SMPD3: variants seen among roughly 807,000 people sequenced by gnomAD.
SMPD3 encodes nSMase-2.
SMPD3 carries 21 observed loss-of-function variants against 55.7 expected under a neutral mutation model. That is an observed-to-expected ratio of 0.38 (90% CI 0.27 to 0.54). SMPD3 has a LOEUF of 0.54. SMPD3 is among the 20% of genes least tolerant of loss of function. The pLI is 0.80. For missense variants in SMPD3, 842 were observed against 899.6 expected, an observed-to-expected ratio of 0.94 and a Z score of 0.82; for synonymous variants, 457 against 404.3, an observed-to-expected ratio of 1.13 and a Z score of -1.56.
intron 3 of SMPD3, among the ~76,000 whole-genome samples, chr16:68,370,528 C>G (rs1209643766): frequency 6.6e-6 from 1 of 152,330 alleles, no homozygotes; most frequent in Admixed American, 6.5e-5. Flanking sequence ...GCTCGGAACC[C>G]TTCCCAGGCC....
chr16:68,375,033 C>G (rs2151988743), intron 2 of SMPD3, among the ~76,000 whole-genome samples: 1 of 152,328 alleles, frequency 6.6e-6, no homozygotes. Flanking sequence ...AGGCCCATTC[C>G]TGAGTCACCC....
intron 1 of SMPD3, among the ~76,000 whole-genome samples, chr16:68,428,594 C>T (rs944342406): frequency 2.6e-5 from 4 of 152,224 alleles, no homozygotes; most frequent in Middle Eastern, 3.4e-3. Flanking sequence ...ATAGGAGAAC[C>T]GGTCACAGAG....
At chr16:68,380,122 A>G (rs2089915476) in intron 2 of SMPD3, among the ~76,000 whole-genome samples, 1 of 152,146 alleles carries the variant, frequency 6.6e-6, no homozygotes. Context: ...AAAGGGTGCC[A>G]GCAAGGAGAA....
Position 68,358,468 on chromosome 16 carries a change from T to A in SMPD3, c.*2738A>T, listed in dbSNP as rs999377912. ...TCTAGGGAAGAACCGTCTGGATATA[T>A]ATTTGATAATGTTTTTACCAAAACC... On this transcript the variant is annotated 3_prime_UTR_variant, in exon 9 of 9. Transcript: ENST00000219334. 1.3e-5 allele frequency: 2 copies of A among 152,700 alleles called. No individual in the cohort carries two copies. The highest frequency in any genetic ancestry group is 2.4e-5 in the African/African-American group (1 of 41,470). 9.5% of individuals were successfully genotyped at this position (152,700 alleles called of 1,614,324 possible).
chr16:68,400,836 C>T lies in SMPD3; in HGVS notation c.-268-14177G>A, dbSNP rs547717094. Among the ~76,000 whole-genome samples, 309 of 152,366 alleles carry T rather than the reference C, an allele frequency of 2.0e-3. 1 individual carries two copies. Among genetic ancestry groups the T allele is most frequent in the Non-Finnish European group, 3.7e-3 (255 of 68,038 alleles). ...TACCAGCCCCTTCTGTGGCTGACGA[C>T]TGTAACTGGGTTCAGGTACATGGCA... On this transcript the variant is annotated intron_variant, in intron 1 of 8. Transcript: ENST00000219334.
At chr16:68,363,144 G>A (rs2089364603) in intron 7 of SMPD3, among the ~76,000 whole-genome samples, 1 of 151,050 alleles carries the variant, frequency 6.6e-6, no homozygotes, top group African/African-American at 2.4e-5. Flanking sequence ...GCCGTACCCA[G>A]CAGCTCTTTC....
At chr16:68,417,184 G>A (rs1033667459) in intron 1 of SMPD3, among the ~76,000 whole-genome samples, 4 of 152,170 alleles carry the variant, frequency 2.6e-5, no homozygotes, top group Non-Finnish European at 4.4e-5. Context: ...CCCCATCTGG[G>A]ACAACTCTGA....
intron 2 of SMPD3, among the ~76,000 whole-genome samples, chr16:68,384,515 G>A (rs1312312099): frequency 2.0e-5 from 3 of 152,204 alleles, no homozygotes; most frequent in Non-Finnish European, 4.4e-5. Context: ...AGAACTGAGA[G>A]ACAGGAGGCT....
At chr16:68,409,268 C>T (rs2090278323) in intron 1 of SMPD3, among the ~76,000 whole-genome samples, 1 of 152,180 alleles carries the variant, frequency 6.6e-6, no homozygotes, top group Non-Finnish European at 1.5e-5. Flanking sequence ...CAGAGAGTGC[C>T]TTTCCTGAGA....
intron 6 of SMPD3, 99 bp from the exon 7 acceptor site, chr16:68,363,658 G>T: frequency 6.9e-7 from 1 of 1,449,760 alleles, no homozygotes. Context: ...CTGCTAGCCA[G>T]GGGCAGCTGA....
chr16:68,381,023 A>C (rs1310867561), intron 2 of SMPD3, among the ~76,000 whole-genome samples: 1 of 152,246 alleles, frequency 6.6e-6, no homozygotes, highest in African/African-American at 2.4e-5. Flanking sequence ...AAAGTTTTCT[A>C]TGCAAAGAAC....
chr16:68,386,830 G>T (rs1464722502), intron 1 of SMPD3, among the ~76,000 whole-genome samples, 171 bp from the exon 2 acceptor site: 1 of 152,234 alleles, frequency 6.6e-6, no homozygotes, highest in East Asian at 1.9e-4. Context: ...GTGTGTGCCC[G>T]GCAGTTCCAG....
chr16:68,366,408 C>CGTCT lies in SMPD3; in HGVS notation c.1324-1320_1324-1317dup, dbSNP rs560408405. Among the ~76,000 whole-genome samples, 124 of 152,362 alleles carry CGTCT rather than the reference C, an allele frequency of 8.1e-4. 3 individuals carry two copies. In the South Asian group the frequency reaches 0.025, roughly 31 times the overall value. ...CTTCCCCAGCACCTGGGGGTACGAA[C>CGTCT]GTCTGGCTGTTCAGCCCCACAGGTT... On this transcript the variant is annotated intron_variant, in intron 3 of 8. Coordinates refer to ENST00000219334, the MANE Select transcript of SMPD3 (RefSeq NM_018667.4).
intron 1 of SMPD3, among the ~76,000 whole-genome samples, chr16:68,401,856 C>A (rs761068768): frequency 6.6e-6 from 1 of 152,174 alleles, no homozygotes; most frequent in Non-Finnish European, 1.5e-5. Context: ...CAGCAGCTTC[C>A]AGTTTATCCT....
chr16:68,404,561 T>C lies in SMPD3; in HGVS notation c.-268-17902A>G, dbSNP rs1046062463. Among the ~76,000 whole-genome samples, 12 of 151,632 alleles carry C rather than the reference T, an allele frequency of 7.9e-5. No homozygotes were observed. The highest frequency in any genetic ancestry group is 1.3e-4 in the Admixed American group (2 of 15,196). ...ATTGTGAGGGTGGGTATGCAGGAGGTGGGGTGTGAGGAGGGGCTGGCAAGC... is the reference window on the plus strand; with the variant it reads ...ATTGTGAGGGTGGGTATGCAGGAGGCGGGGTGTGAGGAGGGGCTGGCAAGC... On this transcript the variant is annotated intron_variant, in intron 1 of 8. Transcript: ENST00000219334. The surrounding 1 kb of genome is among the most constrained non-coding windows in gnomAD (Gnocchi z 4.0).
rs570705018 is a variant in SMPD3 at position 68,447,020 on chromosome 16, G to T, written c.-269+1333C>A. 6.6e-6 allele frequency among the ~76,000 whole-genome samples: 1 copy of T among 152,146 alleles called. No homozygotes were observed. The highest frequency in any genetic ancestry group is 2.1e-4 in the South Asian group (1 of 4,828). ...GCGCGGGCCCGCTAGAAGCCGGTGC[G>T]CTTTGTCTCCCGCCCCGCTCCTGGC... On this transcript the variant is annotated intron_variant, in intron 1 of 8. Transcript: ENST00000219334. This position sits in a 1 kb window ranked among gnomAD's most constrained non-coding sequence, Gnocchi z 5.1.
At chr16:68,437,084 T>C (rs1312976559) in intron 1 of SMPD3, among the ~76,000 whole-genome samples, 2 of 152,248 alleles carry the variant, frequency 1.3e-5, no homozygotes, top group Non-Finnish European at 2.9e-5. Flanking sequence ...TTTTCTACAC[T>C]GCATCTCTTG....
chr16:68,375,338 G>A, intron 2 of SMPD3, among the ~76,000 whole-genome samples: 1 of 152,142 alleles, frequency 6.6e-6, no homozygotes, highest in African/African-American at 2.4e-5. Context: ...CAGCAGGAAG[G>A]GCTGTGCAGG....
Position 68,360,468 on chromosome 16 carries a change from G to A in SMPD3, c.*738C>T, listed in dbSNP as rs1296142805. Reference sequence around the variant, plus strand: ...TGCCAGACTCTGTTGTGCCTGAGCTGGGGAAGGGACCCTGTCTCGGGAAGA... The same window carrying A: ...TGCCAGACTCTGTTGTGCCTGAGCTAGGGAAGGGACCCTGTCTCGGGAAGA... On this transcript the variant is annotated 3_prime_UTR_variant, in exon 9 of 9. Coordinates refer to ENST00000219334, the MANE Select transcript of SMPD3 (RefSeq NM_018667.4). 1 of 152,492 alleles carries A rather than the reference G, an allele frequency of 6.6e-6. No individual in the cohort carries two copies. The highest frequency in any genetic ancestry group is 1.9e-4 in the East Asian group (1 of 5,342). 9.4% of individuals were successfully genotyped at this position (152,492 alleles called of 1,614,324 possible). A position where few individuals can be genotyped will look rare whatever the true frequency, so the allele number is the denominator to read the frequency against.
Sources: gnomAD v4.1 joint callset for allele counts (sites outside exome capture counted in the v4.1 genomes callset) on GRCh38, gnomAD v4.1.1 for gene constraint, Gnocchi (gnomAD v3.1) non-coding constraint, MANE v1.5 for transcripts, NCBI Gene and HGNC (gene_info 2026-07-23, HGNC 2026-07-21) for gene names.